The following CCDC178 variants were observed in gnomAD, a reference collection of about 807,000 sequenced individuals.
The protein encoded by CCDC178 is coiled-coil domain containing 178.
CCDC178 carries 126 observed loss-of-function variants against 117.4 expected under a neutral mutation model. The ratio of observed to expected loss-of-function variants is 1.07; its 90% CI spans 0.93 to 1.24. The LOEUF is 1.24. Among genes scored for constraint, CCDC178 ranks in the 50% most tolerant of loss-of-function variants. CCDC178 has a pLI of 0.00. For synonymous variants in CCDC178, 283 were observed against 313.4 expected (o/e 0.90, Z 1.02); for missense variants, 1,030 against 986.9 (o/e 1.04, Z -0.59).
chr18:33,166,463 G>T (rs890797930), intron 20 of CCDC178, among the ~76,000 whole-genome samples: 4 of 152,052 alleles, frequency 2.6e-5, no homozygotes, highest in African/African-American at 9.7e-5. Flanking sequence ...TTCCAACTCT[G>T]ATCCCAATTG....
chr18:32,944,100 C>T (rs1344779717), intron 22 of CCDC178, among the ~76,000 whole-genome samples: 1 of 152,090 alleles, frequency 6.6e-6, no homozygotes, highest in African/African-American at 2.4e-5. Flanking sequence ...CCCCTACCCC[C>T]AGTAAACCAG....
At chr18:33,356,467 T>C in intron 6 of CCDC178, 121 bp from the exon 7 acceptor site, 1 of 1,041,468 alleles carries the variant, frequency 9.6e-7, no homozygotes, top group South Asian at 2.1e-5. Context: ...TATTTTTGTG[T>C]ACTTATACTC....
intron 19 of CCDC178, among the ~76,000 whole-genome samples, chr18:33,212,477 C>A (rs1367306087): frequency 1.3e-5 from 2 of 151,986 alleles, no homozygotes; most frequent in African/African-American, 4.8e-5. Flanking sequence ...ACTTACACAT[C>A]ATGCTTTCAA....
intron 21 of CCDC178, among the ~76,000 whole-genome samples, chr18:33,056,689 G>T (rs908812254): frequency 7.9e-5 from 12 of 152,154 alleles, no homozygotes; most frequent in South Asian, 2.1e-4. Context: ...ATCCTAATTT[G>T]GGGAAAGAAA....
In CCDC178 at chr18:33,014,713, T is replaced by C. The variant is rs114694289; in HGVS notation, c.2389-40032A>G. ...TTATTGGCTCAGGTCATTTAAAAAATATTTGTCAAATTACTAGTCTGTTTG... is the reference window on the plus strand; with the variant it reads ...TTATTGGCTCAGGTCATTTAAAAAACATTTGTCAAATTACTAGTCTGTTTG... On this transcript the variant is annotated intron_variant, in intron 21 of 22. Transcript: ENST00000383096. 3.4e-3 allele frequency among the ~76,000 whole-genome samples: 516 copies of C among 152,284 alleles called. 3 individuals carry two copies. Among genetic ancestry groups the C allele is most frequent in the African/African-American group, 0.012 (489 of 41,568 alleles).
intron 21 of CCDC178, among the ~76,000 whole-genome samples, chr18:33,059,978 C>T (rs2056896883): frequency 6.6e-6 from 1 of 152,148 alleles, no homozygotes; most frequent in Non-Finnish European, 1.5e-5. Flanking sequence ...ATGCTACCTG[C>T]AGCTACTTCT....
intron 2 of CCDC178, among the ~76,000 whole-genome samples, chr18:33,436,871 AGTT>A (rs1488613256): frequency 2.0e-5 from 3 of 152,232 alleles, no homozygotes; most frequent in Admixed American, 2.0e-4. Context: ...GCACACCAGT[AGTT>A]GTTACAGTCT....
intron 11 of CCDC178, among the ~76,000 whole-genome samples, chr18:33,303,564 A>G (rs551163878): frequency 1.4e-4 from 21 of 152,220 alleles, no homozygotes; most frequent in Admixed American, 5.9e-4. Flanking sequence ...GATGTTTGGT[A>G]TGGGATGCAG....
chr18:33,003,401 GATAC>G (rs905834063), intron 21 of CCDC178, among the ~76,000 whole-genome samples: 4 of 152,056 alleles, frequency 2.6e-5, no homozygotes, highest in African/African-American at 9.7e-5. Context: ...CAATCAATGT[GATAC>G]ATCATGTCAA....
upstream of CCDC178, chr18:33,440,835 C>A (rs2145004905): frequency 6.5e-6 from 1 of 153,360 alleles, no homozygotes. Context: ...TAGCCCCCGA[C>A]TCCCGGCGTT....
At chr18:33,237,664 G>A (rs534013219) in intron 15 of CCDC178, among the ~76,000 whole-genome samples, 7 of 151,742 alleles carry the variant, frequency 4.6e-5, no homozygotes, top group African/African-American at 1.2e-4. Flanking sequence ...CCAGGCCAGC[G>A]AGGAAACCAT....
intron 20 of CCDC178, among the ~76,000 whole-genome samples, chr18:33,117,573 G>A (rs2057874831): frequency 6.6e-6 from 1 of 152,048 alleles, no homozygotes; most frequent in African/African-American, 2.4e-5. Context: ...CCTGTCGTGG[G>A]GTGGGGGGAG....
intron 20 of CCDC178, among the ~76,000 whole-genome samples, chr18:33,137,620 T>C (rs2058145704): frequency 6.6e-6 from 1 of 152,208 alleles, no homozygotes; most frequent in Non-Finnish European, 1.5e-5. Context: ...AGAAAAGCAA[T>C]TATTTCCAGG....
chr18:33,311,133 C>A (rs918398358), intron 11 of CCDC178, among the ~76,000 whole-genome samples: 1 of 152,144 alleles, frequency 6.6e-6, no homozygotes, highest in Non-Finnish European at 1.5e-5. Context: ...GATGTTCAGT[C>A]CCTTTGGTAC....
intron 22 of CCDC178, among the ~76,000 whole-genome samples, chr18:32,947,828 T>A (rs1397224662): frequency 6.6e-6 from 1 of 152,180 alleles, no homozygotes; most frequent in Non-Finnish European, 1.5e-5. Flanking sequence ...AGAAGTTTTA[T>A]AATTTTAGAT....
chr18:33,307,073 A>T (rs1193251937), intron 11 of CCDC178, among the ~76,000 whole-genome samples: 1 of 152,286 alleles, frequency 6.6e-6, no homozygotes, highest in East Asian at 1.9e-4. Context: ...AGTTCTTTAT[A>T]GCAGCATGAG....
chr18:33,440,199 T>G (rs2064358505), intron 1 of CCDC178, 118 bp from the exon 2 acceptor site: 1 of 151,364 alleles, frequency 6.6e-6, no homozygotes, highest in Non-Finnish European at 1.5e-5. Flanking sequence ...TTTAAAGGAA[T>G]AAGACGCTAG....
intron 20 of CCDC178, among the ~76,000 whole-genome samples, chr18:33,104,561 C>T (rs957201003): frequency 9.2e-5 from 14 of 151,668 alleles, no homozygotes; most frequent in African/African-American, 2.7e-4. Flanking sequence ...ACCATCTTTT[C>T]GTCCCATCAT....
intron 20 of CCDC178, among the ~76,000 whole-genome samples, chr18:33,110,242 C>A (rs2057762677): frequency 6.6e-6 from 1 of 151,510 alleles, no homozygotes. Context: ...CTTACTTATG[C>A]TGCCTGTCTT....
Sources: allele counts gnomAD v4.1 joint callset (sites outside exome capture counted in the v4.1 genomes callset), GRCh38; gene constraint gnomAD v4.1.1; transcripts MANE v1.5; gene names NCBI Gene and HGNC (gene_info 2026-07-23, HGNC 2026-07-21).